Variants in RASA2 observed in about 807,000 individuals in gnomAD.
The protein encoded by RASA2 is RAS p21 protein activator 2.
In RASA2, 155 loss-of-function variants were observed where a neutral mutation model predicts 118.2. The observed-to-expected ratio is 1.31, with a 90% CI of 1.15 to 1.50. RASA2 has a LOEUF of 1.50. Ranked by LOEUF, RASA2 falls within the 40% of genes most tolerant of loss-of-function variation. RASA2 has a pLI of 0.00. For missense variants in RASA2, 1,016 were observed against 1,009.6 expected (o/e 1.01, Z -0.09); for synonymous variants, 353 against 349.1 (o/e 1.01, Z -0.12).
chr3:141,586,070 AC>A lies in RASA2; in HGVS notation c.1799del (p.Thr600ArgfsTer7). On this transcript the variant is annotated frameshift_variant, in exon 18 of 24. Coordinates refer to ENST00000286364, the MANE Select transcript of RASA2 (RefSeq NM_006506.5). LOFTEE classifies it high-confidence loss of function. The stretch of plus-strand genomic sequence containing the variant: ...TACTGAAACTAAAGAGTCCAGTGGT[AC>A]GAGTGAGCCTGTGCACCTGAAAGAA... ...SSTETKESSG[T>X]SEPVHLKEGE... 1 of 1,610,984 alleles carries A rather than the reference AC, an allele frequency of 6.2e-7. No homozygotes were observed. The highest frequency in any genetic ancestry group is 8.5e-7 in the Non-Finnish European group (1 of 1,177,400).
chr3:141,502,257 C>T (rs918296367), intron 1 of RASA2, among the ~76,000 whole-genome samples: 3 of 152,156 alleles, frequency 2.0e-5, no homozygotes, highest in African/African-American at 4.8e-5. Flanking sequence ...ATTCTGTCTC[C>T]ATAGTAGCTC....
chr3:141,585,018 A>G (rs759098597), intron 17 of RASA2, among the ~76,000 whole-genome samples: 9 of 151,928 alleles, frequency 5.9e-5, no homozygotes, highest in Non-Finnish European at 1.3e-4. Flanking sequence ...AACATTTGGG[A>G]TTTTTCAGAT....
intron 19 of RASA2, among the ~76,000 whole-genome samples, chr3:141,599,581 C>G (rs2083431941): frequency 1.3e-5 from 2 of 152,020 alleles, no homozygotes; most frequent in South Asian, 4.2e-4. Context: ...AAAGTGAATA[C>G]CAGAACTACA....
In RASA2 at chr3:141,571,066, CA is replaced by C; in HGVS notation, c.1020del (p.Gln340HisfsTer11). On this transcript the variant is annotated frameshift_variant and splice_region_variant, in exon 10 of 24. Coordinates refer to ENST00000286364, the MANE Select transcript of RASA2 (RefSeq NM_006506.5). LOFTEE classifies it high-confidence loss of function. Reference protein sequence around the residue: ...KTLLLKSPDVQPISASAAYIL... With the variant: ...KTLLLKSPDVXPISASAAYIL... ...TTTGCTGCTAAAATCACCAGATGTT[CA>C]AGTATGTTAAGAATCTTAAGGATAT... The C allele has an allele frequency of 6.3e-7, 1 of 1,596,224 alleles. No homozygotes were observed. Among genetic ancestry groups the C allele is most frequent in the Non-Finnish European group, 8.5e-7 (1 of 1,174,926 alleles).
intron 1 of RASA2, among the ~76,000 whole-genome samples, chr3:141,494,197 G>A (rs1220467987): frequency 6.6e-6 from 1 of 152,210 alleles, no homozygotes; most frequent in Non-Finnish European, 1.5e-5. Context: ...CTAGATAGAT[G>A]TTAAATTGAT....
In RASA2 at chr3:141,580,397, C is replaced by T. The variant is rs367958097; in HGVS notation, c.1620C>T (p.Leu540=). The change falls in exon 16 of 24, where the codon CTC becomes CTT. Residue 540 remains leucine (L), a synonymous_variant. Coordinates refer to ENST00000286364, the MANE Select transcript of RASA2 (RefSeq NM_006506.5). ...PDAQTIRTLT[L]ISKTIQTLGS... is the part of the protein sequence containing the mutation. ...CACAGACAATTAGAACATTAACTCT[C>T]ATCTCAAAAACTATACAAACTTTGG... is the stretch of plus-strand genomic sequence containing the variant. 4 of 1,609,336 alleles carry T rather than the reference C, an allele frequency of 2.5e-6. No homozygotes were observed. The highest frequency in any genetic ancestry group is 1.1e-5 in the South Asian group (1 of 90,554).
chr3:141,583,608 C>T (rs1304644414), intron 17 of RASA2, among the ~76,000 whole-genome samples: 2 of 152,028 alleles, frequency 1.3e-5, no homozygotes. Context: ...ACCCACATTA[C>T]CCACATATAA....
intron 1 of RASA2, among the ~76,000 whole-genome samples, chr3:141,507,273 T>C (rs1423583059): frequency 6.6e-6 from 1 of 152,216 alleles, no homozygotes; most frequent in Non-Finnish European, 1.5e-5. Flanking sequence ...ATTTTCTAAT[T>C]TGTTGGAAAC....
intron 19 of RASA2, among the ~76,000 whole-genome samples, chr3:141,598,037 G>C (rs1406365132): frequency 1.3e-5 from 2 of 152,238 alleles, no homozygotes; most frequent in Middle Eastern, 3.4e-3. Flanking sequence ...TAAAAACCCT[G>C]TATCTCTGCT....
At chr3:141,500,710 G>A (rs1298360996) in intron 1 of RASA2, among the ~76,000 whole-genome samples, 2 of 152,152 alleles carry the variant, frequency 1.3e-5, no homozygotes, top group Non-Finnish European at 2.9e-5. Context: ...TGATAGAAAT[G>A]TACTGGAGTA....
At chr3:141,559,790 A>G in intron 8 of RASA2, 104 bp from the exon 9 acceptor site, 1 of 927,924 alleles carries the variant, frequency 1.1e-6, no homozygotes, top group Non-Finnish European at 1.7e-6. Flanking sequence ...TTAAGCATGT[A>G]AAATTAATGC....
chr3:141,512,673 A>C (rs1221634977), intron 2 of RASA2, among the ~76,000 whole-genome samples: 1 of 152,208 alleles, frequency 6.6e-6, no homozygotes, highest in African/African-American at 2.4e-5. Context: ...ATTAAATTCT[A>C]ATTCATAAAA....
intron 4 of RASA2, 114 bp downstream of exon 4, chr3:141,529,916 G>A: frequency 1.3e-6 from 1 of 772,508 alleles, no homozygotes; most frequent in South Asian, 2.1e-5. Context: ...TTAAATTCTA[G>A]CATCAAATAT....
intron 23 of RASA2, among the ~76,000 whole-genome samples, chr3:141,611,118 A>T (rs894060552): frequency 6.6e-6 from 1 of 152,190 alleles, no homozygotes; most frequent in African/African-American, 2.4e-5. Context: ...TGAAGTCCCA[A>T]TTGAGGTGGC....
chr3:141,585,081 C>T (rs534549100), intron 17 of RASA2, among the ~76,000 whole-genome samples: 1 of 152,242 alleles, frequency 6.6e-6, no homozygotes, highest in South Asian at 2.1e-4. Flanking sequence ...GGCTACAGGT[C>T]AAACGTGGCC....
intron 1 of RASA2, among the ~76,000 whole-genome samples, chr3:141,509,219 A>G (rs1204970298): frequency 6.6e-6 from 1 of 152,244 alleles, no homozygotes; most frequent in Non-Finnish European, 1.5e-5. Context: ...TAAGAAGTAC[A>G]GATTATGATA....
chr3:141,569,816 A>G (rs1424678706), intron 9 of RASA2, among the ~76,000 whole-genome samples: 1 of 151,292 alleles, frequency 6.6e-6, no homozygotes, highest in African/African-American at 2.4e-5. Context: ...CCCAGTGTCT[A>G]TTGTTACCAT....
intron 11 of RASA2, among the ~76,000 whole-genome samples, chr3:141,571,823 T>A (rs2082925006): frequency 1.3e-5 from 2 of 152,058 alleles, no homozygotes; most frequent in South Asian, 4.1e-4. Flanking sequence ...ATGGTTCACG[T>A]GTCACAAGTT....
chr3:141,604,978 C>T (rs2083524624), intron 19 of RASA2, among the ~76,000 whole-genome samples: 1 of 151,922 alleles, frequency 6.6e-6, no homozygotes, highest in African/African-American at 2.4e-5. Flanking sequence ...TTTCCCCTTA[C>T]TCTTGAATGA....
Sources: gnomAD v4.1 joint callset for allele counts (sites outside exome capture counted in the v4.1 genomes callset) on GRCh38, gnomAD v4.1.1 for gene constraint, MANE v1.5 for transcripts, NCBI Gene and HGNC (gene_info 2026-07-23, HGNC 2026-07-21) for gene names.